RGS17: variants seen among roughly 807,000 people sequenced by gnomAD.
RGS17 encodes regulator of G-protein signaling 17.
RGS17 carries 12 observed loss-of-function variants against 25.5 expected under a neutral mutation model. The ratio of observed to expected loss-of-function variants is 0.47; its 90% CI spans 0.30 to 0.76. RGS17 has a LOEUF of 0.76. Ranked by LOEUF, RGS17 falls within the 30% of genes least tolerant of loss-of-function variation. The pLI is 0.07. For missense variants in RGS17, 196 were observed against 242.2 expected, an observed-to-expected ratio of 0.81 and a Z score of 1.27; for synonymous variants, 71 against 76.9, an observed-to-expected ratio of 0.92 and a Z score of 0.40.
At chr6:153,099,065 T>C (rs544120377) in intron 1 of RGS17, among the ~76,000 whole-genome samples, 2 of 152,270 alleles carry the variant, frequency 1.3e-5, no homozygotes, top group Non-Finnish European at 2.9e-5. Flanking sequence ...TAAAATGAAA[T>C]TGACTTGGAT....
At chr6:153,055,239 A>G (rs541610264) in intron 1 of RGS17, among the ~76,000 whole-genome samples, 1 of 152,264 alleles carries the variant, frequency 6.6e-6, no homozygotes, top group East Asian at 1.9e-4. Flanking sequence ...GTGTGGGTTT[A>G]TCAGTAAATA....
intron 2 of RGS17, among the ~76,000 whole-genome samples, chr6:153,042,343 C>T (rs994777): frequency 0.38 from 57,533 of 152,004 alleles, 11,364 homozygotes; most frequent in Middle Eastern, 0.43. Flanking sequence ...ATGGGAAGGA[C>T]GCGGTGGCAG....
chr6:153,015,716 C>T (rs541729592), intron 4 of RGS17, among the ~76,000 whole-genome samples: 2 of 151,300 alleles, frequency 1.3e-5, no homozygotes, highest in African/African-American at 2.4e-5. Flanking sequence ...TGCAGTGGCG[C>T]GATCTCGGCT....
At chr6:153,105,895 G>A (rs1777373046) in intron 1 of RGS17, among the ~76,000 whole-genome samples, 1 of 152,200 alleles carries the variant, frequency 6.6e-6, no homozygotes, top group Non-Finnish European at 1.5e-5. Flanking sequence ...CTTTCAGACT[G>A]TAGTGTGGCA....
chr6:153,008,265 TAA>T lies in RGS17; in HGVS notation c.*3307_*3308del, dbSNP rs1311936693. 6.6e-6 allele frequency: 1 copy of T among 151,990 alleles called. No homozygotes were observed. Among genetic ancestry groups the T allele is most frequent in the Non-Finnish European group, 1.5e-5 (1 of 68,006 alleles). 9.4% of individuals were successfully genotyped at this position (151,990 alleles called of 1,614,324 possible). On this transcript the variant is annotated 3_prime_UTR_variant, in exon 5 of 5. Coordinates refer to ENST00000206262, the MANE Select transcript of RGS17 (RefSeq NM_012419.5). ...CCTAGGCAGCATTAAAGGATACTAA[TAA>T]ACATCCATGCACTAAGACGGCATAT...
intron 2 of RGS17, among the ~76,000 whole-genome samples, chr6:153,029,951 C>T (rs1437540808): frequency 6.6e-6 from 1 of 152,182 alleles, no homozygotes; most frequent in African/African-American, 2.4e-5. Context: ...TTAAAACTAA[C>T]ATTTCTACTT....
intron 1 of RGS17, among the ~76,000 whole-genome samples, chr6:153,068,220 A>G (rs1584142332): frequency 6.6e-6 from 1 of 152,116 alleles, no homozygotes. Context: ...CAAGGCGGGT[A>G]GATCACCTGA....
rs145095262 is a variant in RGS17, at chr6:153,011,034, G to A, written c.*540C>T. The A allele has an allele frequency of 5.5e-4, 83 of 152,160 alleles. No homozygotes were observed. The highest frequency in any genetic ancestry group is 2.0e-3 in the African/African-American group (82 of 41,424). The allele number at this position is 152,160 out of a possible 1,614,324, so 9.4% of individuals were successfully genotyped here. On this transcript the variant is annotated 3_prime_UTR_variant, in exon 5 of 5. Coordinates refer to ENST00000206262, the MANE Select transcript of RGS17 (RefSeq NM_012419.5). ...GCTCTTTTTCATGTACAGAAATATT[G>A]GCTTCAAAATTAGTGTACTAAACAC...
chr6:153,099,190 C>T (rs958465373), intron 1 of RGS17, among the ~76,000 whole-genome samples: 1 of 152,204 alleles, frequency 6.6e-6, no homozygotes, highest in African/African-American at 2.4e-5. Flanking sequence ...GTGCCATCTA[C>T]TCACTCTGCA....
At chr6:153,073,081 T>C (rs976005318) in intron 1 of RGS17, among the ~76,000 whole-genome samples, 2 of 152,178 alleles carry the variant, frequency 1.3e-5, no homozygotes, top group Admixed American at 1.3e-4. Context: ...AACAATTCCA[T>C]TGAGTTAGTT....
intron 1 of RGS17, among the ~76,000 whole-genome samples, chr6:153,061,614 T>C (rs1440445022): frequency 2.0e-5 from 3 of 152,198 alleles, no homozygotes; most frequent in South Asian, 4.1e-4. Context: ...AAGATACTTA[T>C]ACAAACAGGG....
intron 1 of RGS17, among the ~76,000 whole-genome samples, chr6:153,079,661 G>A (rs1176819030): frequency 1.3e-5 from 2 of 152,030 alleles, no homozygotes; most frequent in Non-Finnish European, 2.9e-5. Flanking sequence ...ACCTCAGTTT[G>A]TTATGATCTC....
intron 4 of RGS17, among the ~76,000 whole-genome samples, chr6:153,012,850 TAA>T (rs1779148101): frequency 6.6e-6 from 1 of 152,250 alleles, no homozygotes; most frequent in African/African-American, 2.4e-5. Flanking sequence ...CTGTTCAGAC[TAA>T]GTCTGGGAAC....
rs1005472021 is a variant in RGS17, at chr6:153,111,167, G to A, written c.-26+19957C>T. Among the ~76,000 whole-genome samples the A allele has an allele frequency of 5.3e-5, 8 of 152,272 alleles. No homozygotes were observed. The South Asian group carries it at 1.7e-3, about 32-fold the overall frequency. ...TAGCTCAGCGGATCCCACCCCCACGGAGCCCAGCAAGCTAAGCTCCACTGG... is the reference window on the plus strand; with the variant it reads ...TAGCTCAGCGGATCCCACCCCCACGAAGCCCAGCAAGCTAAGCTCCACTGG... On this transcript the variant is annotated intron_variant, in intron 1 of 4. Coordinates refer to ENST00000206262, the MANE Select transcript of RGS17 (RefSeq NM_012419.5).
rs1358659962 is a variant in RGS17 at position 153,130,004 on chromosome 6, G to C, written c.-26+1120C>G. On this transcript the variant is annotated intron_variant, in intron 1 of 4. Coordinates refer to ENST00000206262, the MANE Select transcript of RGS17 (RefSeq NM_012419.5). This position sits in a 1 kb window ranked among gnomAD's most constrained non-coding sequence, Gnocchi z 6.4. ...CAGGCGACCCCGGCTCGCTCTCCCG[G>C]AGCCCAGGGACTCCCGAGGCTGGCG... is the stretch of plus-strand genomic sequence containing the variant. 6.6e-6 allele frequency among the ~76,000 whole-genome samples: 1 copy of C among 152,092 alleles called. No individual in the cohort carries two copies. The highest frequency in any genetic ancestry group is 1.5e-5 in the Non-Finnish European group (1 of 67,990).
intron 1 of RGS17, among the ~76,000 whole-genome samples, chr6:153,084,997 A>G (rs1777033942): frequency 6.6e-6 from 1 of 152,354 alleles, no homozygotes; most frequent in African/African-American, 2.4e-5. Flanking sequence ...ATAAAGAAAC[A>G]AAATGAATGT....
intron 4 of RGS17, among the ~76,000 whole-genome samples, chr6:153,012,502 G>A (rs899200012): frequency 6.6e-5 from 10 of 152,132 alleles, no homozygotes; most frequent in African/African-American, 1.9e-4. Flanking sequence ...CAATGATTTA[G>A]GATCTTCCCC....
rs552640601 is a variant in RGS17, at chr6:153,009,637, T to C, written c.*1937A>G. 1 of 151,978 alleles carries C rather than the reference T, an allele frequency of 6.6e-6. No individual in the cohort carries two copies. The highest frequency in any genetic ancestry group is 2.4e-5 in the African/African-American group (1 of 41,432). 9.4% of individuals were successfully genotyped at this position (151,978 alleles called of 1,614,324 possible). On this transcript the variant is annotated 3_prime_UTR_variant, in exon 5 of 5. Coordinates refer to ENST00000206262, the MANE Select transcript of RGS17 (RefSeq NM_012419.5). ...CACTTTCAGAAAACACAGGCATTTG[T>C]TAAAAGAAATGATTATTATAAATAT...
intron 4 of RGS17, among the ~76,000 whole-genome samples, chr6:153,018,450 A>G (rs1157653639): frequency 6.6e-6 from 1 of 152,142 alleles, no homozygotes; most frequent in East Asian, 1.9e-4. Flanking sequence ...CGTGGCTGAA[A>G]GATTGTTGTG....
Sources: allele counts gnomAD v4.1 joint callset (sites outside exome capture counted in the v4.1 genomes callset), GRCh38; gene constraint gnomAD v4.1.1; non-coding constraint Gnocchi (gnomAD v3.1); transcripts MANE v1.5; gene names NCBI Gene and HGNC (gene_info 2026-07-23, HGNC 2026-07-21).